RBFOX1: variants seen among roughly 807,000 people sequenced by gnomAD.
The protein encoded by RBFOX1 is RNA binding fox-1 homolog 1.
RBFOX1 carries 8 observed loss-of-function variants against 57.7 expected under a neutral mutation model. The observed-to-expected ratio is 0.14, with a 90% CI of 0.08 to 0.25. The LOEUF is 0.25. Ranked by LOEUF, RBFOX1 falls within the 10% of genes least tolerant of loss-of-function variation. The pLI is 1.00. For synonymous variants in RBFOX1, 326 were observed against 222.4 expected, an observed-to-expected ratio of 1.47 and a Z score of -4.15; for missense variants, 611 against 548.5, an observed-to-expected ratio of 1.11 and a Z score of -1.14.
intron 3 of RBFOX1, among the ~76,000 whole-genome samples, chr16:7,019,883 G>A (rs77450933): frequency 9.2e-5 from 14 of 152,152 alleles, no homozygotes; most frequent in Admixed American, 2.6e-4. Context: ...ACATTTTTGC[G>A]TGTGTTCCAA....
At chr16:7,582,847 C>T (rs1230295960) in intron 6 of RBFOX1, among the ~76,000 whole-genome samples, 1 of 152,106 alleles carries the variant, frequency 6.6e-6, no homozygotes. Context: ...TAAATATAGG[C>T]ATGGGATTTC....
rs576756582 is a variant in RBFOX1 at position 6,807,708 on chromosome 16, C to A, written c.-16+153058C>A. 5.3e-5 allele frequency among the ~76,000 whole-genome samples: 8 copies of A among 152,044 alleles called. No homozygotes were observed. In the South Asian group the frequency reaches 1.5e-3, roughly 28 times the overall value. ...GCAGACGCCTGTAATCGGAGCTACT[C>A]GGGAGGCTAAGGCAGAAGAATCACT... On this transcript the variant is annotated intron_variant, in intron 3 of 15. Transcript: ENST00000550418.
intron 9 of RBFOX1, among the ~76,000 whole-genome samples, chr16:7,599,181 G>A (rs533601098): frequency 6.6e-6 from 1 of 152,310 alleles, no homozygotes; most frequent in East Asian, 1.9e-4. Context: ...ATGTCATACA[G>A]CCTTTCCAGT....
intron 4 of RBFOX1, among the ~76,000 whole-genome samples, chr16:7,475,012 C>G (rs1390484728): frequency 2.6e-5 from 4 of 152,132 alleles, no homozygotes; most frequent in African/African-American, 9.7e-5. Context: ...TAGATGGTTC[C>G]ACACAATCCA....
At chr16:6,376,748 T>G (rs1326911603) in intron 2 of RBFOX1, among the ~76,000 whole-genome samples, 1 of 152,130 alleles carries the variant, frequency 6.6e-6, no homozygotes. Context: ...CAGAAATGTG[T>G]TTTCTTACAG....
intron 3 of RBFOX1, among the ~76,000 whole-genome samples, chr16:5,799,584 T>C (rs555762201): frequency 3.3e-5 from 5 of 152,324 alleles, no homozygotes; most frequent in Non-Finnish European, 5.9e-5. Flanking sequence ...TTACAGGAGA[T>C]ATTCAACATG....
At chr16:6,499,968 C>T (rs924150190) in intron 2 of RBFOX1, among the ~76,000 whole-genome samples, 3 of 152,156 alleles carry the variant, frequency 2.0e-5, no homozygotes, top group African/African-American at 7.2e-5. Context: ...TACCTGCCGC[C>T]TCGTGAAGGG....
intron 3 of RBFOX1, among the ~76,000 whole-genome samples, chr16:7,029,374 C>T (rs2042207896): frequency 6.6e-6 from 1 of 150,446 alleles, no homozygotes; most frequent in African/African-American, 2.4e-5. Flanking sequence ...TAGAAGAAAG[C>T]TGATGCGTCA....
At chr16:7,536,214 A>G (rs1341772675) in intron 5 of RBFOX1, among the ~76,000 whole-genome samples, 2 of 152,240 alleles carry the variant, frequency 1.3e-5, no homozygotes, top group Admixed American at 6.5e-5. Flanking sequence ...AAGGAAAGGT[A>G]GAGGGTGATG....
chr16:5,453,318 A>T (rs950034370), intron 1 of RBFOX1, among the ~76,000 whole-genome samples: 4 of 152,202 alleles, frequency 2.6e-5, no homozygotes, highest in Non-Finnish European at 4.4e-5. Context: ...TCCAGGAAGA[A>T]AATGCAGGGT....
chr16:5,835,063 G>C (rs2056416025), intron 3 of RBFOX1, among the ~76,000 whole-genome samples: 1 of 152,142 alleles, frequency 6.6e-6, no homozygotes, highest in African/African-American at 2.4e-5. Context: ...GATGAATCCT[G>C]CTTTTTGTGA....
intron 2 of RBFOX1, among the ~76,000 whole-genome samples, chr16:6,601,701 T>C (rs2097855421): frequency 6.6e-6 from 1 of 152,124 alleles, no homozygotes; most frequent in Non-Finnish European, 1.5e-5. Context: ...AGGAGAGGCT[T>C]CATCTTAAGT....
chr16:6,611,228 C>T (rs920819031), intron 2 of RBFOX1, among the ~76,000 whole-genome samples: 2 of 152,148 alleles, frequency 1.3e-5, no homozygotes, highest in African/African-American at 4.8e-5. Context: ...ATCACTGCAA[C>T]CTCCGGCTCC....
intron 2 of RBFOX1, among the ~76,000 whole-genome samples, chr16:5,521,069 A>G (rs1340042105): frequency 6.6e-6 from 1 of 152,260 alleles, no homozygotes; most frequent in African/African-American, 2.4e-5. Context: ...ATACTGAACC[A>G]GCCCCTAACC....
intron 1 of RBFOX1, among the ~76,000 whole-genome samples, chr16:5,440,057 T>C (rs1324130627): frequency 6.6e-6 from 1 of 152,178 alleles, no homozygotes; most frequent in African/African-American, 2.4e-5. Flanking sequence ...GGGGAGATGA[T>C]AAAATATTCA....
chr16:5,567,220 A>G (rs2046104493), intron 2 of RBFOX1, among the ~76,000 whole-genome samples: 1 of 152,334 alleles, frequency 6.6e-6, no homozygotes, highest in South Asian at 2.1e-4. Flanking sequence ...ATGGCCTTGC[A>G]GACATGTGGG....
chr16:6,693,833 C>G (rs2060626951), intron 3 of RBFOX1, among the ~76,000 whole-genome samples: 1 of 152,212 alleles, frequency 6.6e-6, no homozygotes, highest in Admixed American at 6.5e-5. Context: ...ACTACCATCA[C>G]CACCATCATC....
At chr16:6,014,075 C>T (rs1168195611), upstream of RBFOX1, among the ~76,000 whole-genome samples, 1 of 152,056 alleles carries the variant, frequency 6.6e-6, no homozygotes, top group East Asian at 1.9e-4. Context: ...AACAAACCTG[C>T]ACGTTGTGCA....
chr16:5,676,271 A>C (rs1189894128), intron 3 of RBFOX1, among the ~76,000 whole-genome samples: 2 of 152,064 alleles, frequency 1.3e-5, no homozygotes, highest in African/African-American at 4.8e-5. Context: ...AAAATAAAGG[A>C]AAACATCACA....
Sources: allele counts gnomAD v4.1 joint callset (sites outside exome capture counted in the v4.1 genomes callset), GRCh38; gene constraint gnomAD v4.1.1; transcripts MANE v1.5; gene names NCBI Gene and HGNC (gene_info 2026-07-23, HGNC 2026-07-21).